The following NCEH1 variants were observed in gnomAD, a reference collection of about 807,000 sequenced individuals.
NCEH1 encodes 2-acetyl MAGE hydrolase.
Under a neutral mutation model 25.4 loss-of-function variants are expected in NCEH1, and 9 were observed. The ratio of observed to expected loss-of-function variants is 0.35; its 90% CI spans 0.21 to 0.62. The LOEUF (loss-of-function observed/expected upper bound fraction) is 0.62, where lower values mean the gene tolerates loss of function less well. Ranked by LOEUF, NCEH1 falls within the 20% of genes least tolerant of loss-of-function variation. The pLI, the probability that NCEH1 is intolerant of heterozygous loss-of-function variation, is 0.72. For synonymous variants in NCEH1, 200 were observed against 199.8 expected (o/e 1.00, Z -0.01); for missense variants, 412 against 501.1 (o/e 0.82, Z 1.70).
chr3:172,664,989 C>T (rs1400819530), intron 1 of NCEH1, among the ~76,000 whole-genome samples: 1 of 152,180 alleles, frequency 6.6e-6, no homozygotes, highest in Non-Finnish European at 1.5e-5. Flanking sequence ...CCCCATCCAG[C>T]TTTGTTCCGT....
At chr3:172,708,282 T>C (rs151111924) in intron 1 of NCEH1, among the ~76,000 whole-genome samples, 6 of 152,244 alleles carry the variant, frequency 3.9e-5, no homozygotes, top group Non-Finnish European at 7.3e-5. Context: ...ACAGCTTAAA[T>C]TGCTTTTGTA....
chr3:172,672,622 G>C (rs1299542959), intron 1 of NCEH1, among the ~76,000 whole-genome samples: 1 of 152,158 alleles, frequency 6.6e-6, no homozygotes, highest in East Asian at 1.9e-4. Flanking sequence ...GCAAGCTATG[G>C]GACCAAATAG....
chr3:172,676,687 A>G (rs1712025486), intron 1 of NCEH1, among the ~76,000 whole-genome samples: 1 of 152,012 alleles, frequency 6.6e-6, no homozygotes, highest in Non-Finnish European at 1.5e-5. Flanking sequence ...TCCGCTCCTT[A>G]AAACTACTCC....
intron 1 of NCEH1, among the ~76,000 whole-genome samples, chr3:172,680,398 C>G (rs546216948): frequency 1.3e-5 from 2 of 152,190 alleles, no homozygotes; most frequent in African/African-American, 4.8e-5. Context: ...AAGCCCCCCT[C>G]CCCCTACTAC....
rs1295360725 is a variant in NCEH1, at chr3:172,679,124, CAAAG to C, written c.139-31014_139-31011del. Among the ~76,000 whole-genome samples the C allele has an allele frequency of 3.3e-5, 5 of 151,990 alleles. No homozygotes were observed. The East Asian group carries it at 9.6e-4, about 29-fold the overall frequency. On this transcript the variant is annotated intron_variant, in intron 1 of 4. Transcript: ENST00000475381. ...AAAAAGAGGCACAGGTACAGGAGAA[CAAAG>C]GAAGGAGGAAGGAAGGAGGAAGTAA...
At chr3:172,667,339 A>G (rs1177125982) in intron 1 of NCEH1, among the ~76,000 whole-genome samples, 2 of 152,240 alleles carry the variant, frequency 1.3e-5, no homozygotes, top group Non-Finnish European at 2.9e-5. Context: ...AGCACGGGGC[A>G]TAATAGCAGG....
At chr3:172,669,726 G>A (rs1024046152) in intron 1 of NCEH1, among the ~76,000 whole-genome samples, 12 of 152,150 alleles carry the variant, frequency 7.9e-5, no homozygotes, top group African/African-American at 2.2e-4. Context: ...TAGTAGAGAT[G>A]GGGTTTCGCC....
At chr3:172,675,609 T>C (rs55637970) in intron 1 of NCEH1, among the ~76,000 whole-genome samples, 53,076 of 152,060 alleles carry the variant, frequency 0.35, 9,771 homozygotes, top group African/African-American at 0.46. Flanking sequence ...TCAAAATTAA[T>C]GCTAAAGTTA....
intron 1 of NCEH1, among the ~76,000 whole-genome samples, chr3:172,698,949 CT>C (rs960534705): frequency 6.6e-6 from 1 of 152,086 alleles, no homozygotes; most frequent in Admixed American, 6.6e-5. Context: ...CGTGAATGGT[CT>C]TCAAACAAAA....
In NCEH1 at chr3:172,673,883, ACT is replaced by A. The variant is rs995370493; in HGVS notation, c.139-25771_139-25770del. Among the ~76,000 whole-genome samples the A allele has an allele frequency of 2.5e-4, 38 of 152,258 alleles. No homozygotes were observed. The South Asian group carries it at 2.7e-3, about 11-fold the overall frequency. ...AGGACGGCGACAGTCAGGATGGCAA[ACT>A]CTATTTGCCAGCCTGCAGCCGATGA... On this transcript the variant is annotated intron_variant, in intron 1 of 4. Transcript: ENST00000475381.
intron 1 of NCEH1, among the ~76,000 whole-genome samples, chr3:172,658,890 GT>G (rs1388363202): frequency 9.0e-6 from 1 of 111,236 alleles, no homozygotes; most frequent in Non-Finnish European, 1.7e-5. Flanking sequence ...CAGAAAACAA[GT>G]AGTTTCCATA....
chr3:172,695,069 A>G (rs878895602), intron 1 of NCEH1, among the ~76,000 whole-genome samples: 1 of 152,236 alleles, frequency 6.6e-6, no homozygotes, highest in African/African-American at 2.4e-5. Context: ...TATTTCCTCA[A>G]TTATGGTGGT....
chr3:172,641,903 G>C (rs1206067072), intron 3 of NCEH1, among the ~76,000 whole-genome samples: 1 of 152,176 alleles, frequency 6.6e-6, no homozygotes, highest in Non-Finnish European at 1.5e-5. Context: ...AACGAGGTAA[G>C]ATCTTGCCTG....
At chr3:172,639,374 TA>T (rs1295276824) in intron 3 of NCEH1, among the ~76,000 whole-genome samples, 16 of 151,696 alleles carry the variant, frequency 1.1e-4, no homozygotes, top group Non-Finnish European at 1.5e-5. Flanking sequence ...TTACCTGGCA[TA>T]AGATGAACTT....
chr3:172,687,455 C>T (rs1045750582), intron 1 of NCEH1, among the ~76,000 whole-genome samples: 1 of 152,136 alleles, frequency 6.6e-6, no homozygotes, highest in African/African-American at 2.4e-5. Context: ...GCACAGGAAC[C>T]ATTTGCAACA....
At chr3:172,677,561 G>A (rs497316) in intron 1 of NCEH1, among the ~76,000 whole-genome samples, 76,509 of 149,692 alleles carry the variant, frequency 0.51, 19,842 homozygotes, top group East Asian at 0.66. Flanking sequence ...TATTACACTC[G>A]TATGCTCATT....
rs1716330891 is a variant in NCEH1, at chr3:172,631,181, G to C, written c.*2294C>G. The C allele has an allele frequency of 1.3e-5, 2 of 152,144 alleles. No homozygotes were observed. The highest frequency in any genetic ancestry group is 1.3e-4 in the Admixed American group (2 of 15,274). The allele number at this position is 152,144 out of a possible 1,614,324, so 9.4% of individuals were successfully genotyped here. On this transcript the variant is annotated 3_prime_UTR_variant, in exon 5 of 5. Coordinates refer to ENST00000475381, the MANE Select transcript of NCEH1 (RefSeq NM_020792.6). ...TTTTAGAGATCCGGAATCATTTGCT[G>C]TCTGCAATTACTATAGGCTTTGGCT...
chr3:172,651,166 G>C (rs766750405), intron 1 of NCEH1, among the ~76,000 whole-genome samples: 1 of 152,168 alleles, frequency 6.6e-6, no homozygotes, highest in African/African-American at 2.4e-5. Flanking sequence ...ACAGAGAGAA[G>C]AGAACAGAAG....
chr3:172,642,079 A>C (rs1297404032), intron 3 of NCEH1, among the ~76,000 whole-genome samples: 2 of 152,202 alleles, frequency 1.3e-5, no homozygotes, highest in Non-Finnish European at 2.9e-5. Flanking sequence ...TAACTAGCAC[A>C]AAACAGGAAT....
Sources: gnomAD v4.1 joint callset for allele counts (sites outside exome capture counted in the v4.1 genomes callset) on GRCh38, gnomAD v4.1.1 for gene constraint, MANE v1.5 for transcripts, NCBI Gene and HGNC (gene_info 2026-07-23, HGNC 2026-07-21) for gene names.